FRMD4A: variants seen among roughly 807,000 people sequenced by gnomAD.
The protein encoded by FRMD4A is FERM domain containing 4A.
A neutral mutation model predicts 129.1 loss-of-function variants in FRMD4A; 29 were observed. The observed-to-expected ratio is 0.22, with a 90% CI of 0.17 to 0.31. The LOEUF is 0.31. FRMD4A is among the 10% of genes least tolerant of loss of function. FRMD4A has a pLI of 1.00. For missense variants in FRMD4A, 1,272 were observed against 1,375.8 expected (o/e 0.92, Z 1.19); for synonymous variants, 634 against 571.6 (o/e 1.11, Z -1.56).
chr10:14,305,981 G>C (rs1190306735), intron 2 of FRMD4A, among the ~76,000 whole-genome samples: 2 of 152,136 alleles, frequency 1.3e-5, no homozygotes, highest in African/African-American at 4.8e-5. Flanking sequence ...TGGCGGATGG[G>C]CAGTGGGAGA....
chr10:13,723,613 G>GA (rs1241205233), intron 12 of FRMD4A, among the ~76,000 whole-genome samples: 1 of 152,174 alleles, frequency 6.6e-6, no homozygotes, highest in African/African-American at 2.4e-5. Context: ...ATCACAATTT[G>GA]AAAAATATCT....
At chr10:13,867,615 A>G (rs1371518433) in intron 2 of FRMD4A, among the ~76,000 whole-genome samples, 2 of 18,236 alleles carry the variant, frequency 1.1e-4, no homozygotes, top group Non-Finnish European at 2.4e-4. Flanking sequence ...TATTATTATA[A>G]TGTATATGAT....
chr10:13,660,484 G>T lies in FRMD4A; in HGVS notation c.1730C>A (p.Pro577Gln). The T allele has an allele frequency of 6.2e-7, 1 of 1,614,062 alleles. No homozygotes were observed. Among genetic ancestry groups the T allele is most frequent in the South Asian group, 1.1e-5 (1 of 91,072 alleles). Residue 577 changes from proline (P) to glutamine (Q), a missense_variant, in exon 20 of 25, where the codon CCG becomes CAG. By Grantham distance (76) the Pro-to-Gln change is moderately conservative. This residue lies in a region of FRMD4A where 972 missense variants were observed against 892.3 expected (regional missense o/e 1.09). Coordinates refer to ENST00000357447, the MANE Select transcript of FRMD4A (RefSeq NM_018027.5). ...GGGAGGAGGAGGCCTGTTGTGCGAC[G>T]GTGGCCGAGGAGGGAGTCCCTTGTG... Reference protein sequence around the residue: ...SPHKGLPPRPPSHNRPPPPQS... With the variant: ...SPHKGLPPRPQSHNRPPPPQS...
intron 4 of FRMD4A, among the ~76,000 whole-genome samples, chr10:13,801,954 T>C (rs2093264077): frequency 6.7e-6 from 1 of 149,348 alleles, no homozygotes. Flanking sequence ...ATGATTCTCA[T>C]TGATTTTTCA....
At chr10:13,824,855 A>G (rs929506937) in intron 3 of FRMD4A, among the ~76,000 whole-genome samples, 6 of 146,094 alleles carry the variant, frequency 4.1e-5, no homozygotes, top group African/African-American at 1.5e-4. Context: ...AGATTGTGCC[A>G]TTGCACTCCA....
Position 14,330,603 on chromosome 10 carries a change from C to T in FRMD4A, c.-88G>A. On this transcript the variant is annotated 5_prime_UTR_variant, in exon 1 of 25. Transcript: ENST00000357447. Reference sequence around the variant, plus strand: ...GCTGAATGTCACAACATACCGCTCGCAATCTGGTCAGTGTCTTCTTTGCTG... The same window carrying T: ...GCTGAATGTCACAACATACCGCTCGTAATCTGGTCAGTGTCTTCTTTGCTG... 3 of 400,634 alleles carry T rather than the reference C, an allele frequency of 7.5e-6. No homozygotes were observed. In the East Asian group the frequency reaches 1.1e-4, roughly 14 times the overall value. The allele number at this position is 400,634 out of a possible 1,614,324, so 24.8% of individuals were successfully genotyped here.
rs112838568 is a variant in FRMD4A at position 13,812,922 on chromosome 10, C to T, written c.112-2014G>A. On this transcript the variant is annotated intron_variant, in intron 3 of 24. Transcript: ENST00000357447. ...AGACCCTCCCTCACTCCTGGTGGAA[C>T]GTCTACTCTGCGAGAATGCAGTGGA... Among the ~76,000 whole-genome samples the T allele has an allele frequency of 3.9e-3, 589 of 152,348 alleles. 3 individuals carry two copies. The highest frequency in any genetic ancestry group is 0.013 in the African/African-American group (550 of 41,584).
At chr10:13,910,926 A>T (rs982504740) in intron 2 of FRMD4A, among the ~76,000 whole-genome samples, 6 of 130,976 alleles carry the variant, frequency 4.6e-5, no homozygotes, top group Non-Finnish European at 6.6e-5. Flanking sequence ...AAAAAAAAAA[A>T]GTCTAGTGGT....
At chr10:13,678,240 T>C (rs1460485769) in intron 15 of FRMD4A, among the ~76,000 whole-genome samples, 10 of 152,096 alleles carry the variant, frequency 6.6e-5, no homozygotes, top group Non-Finnish European at 1.3e-4. Flanking sequence ...CCTCTCTGTA[T>C]CCGCTAATGC....
In FRMD4A at chr10:13,656,902, A is replaced by C. The variant is rs2082202264; in HGVS notation, c.2687T>G (p.Leu896Arg). The C allele has an allele frequency of 6.7e-7, 1 of 1,484,538 alleles. No homozygotes were observed. The highest frequency in any genetic ancestry group is 1.7e-4 in the Middle Eastern group (1 of 5,720). The allele number at this position is 1,484,538 out of a possible 1,614,324, so 92.0% of individuals were successfully genotyped here. A position where few individuals can be genotyped will look rare whatever the true frequency, so the allele number is the denominator to read the frequency against. Residue 896 changes from leucine to arginine, a missense_variant, in exon 22 of 25, where the codon CTG (leucine) becomes CGG (arginine). By Grantham distance (102) the Leu-to-Arg change is moderately radical. Transcript: ENST00000357447. The stretch of plus-strand genomic sequence containing the variant: ...CAGGATCTGCGATCGCGACGGCGTC[A>C]GGCGGCCCGTGTCGCCCTCGTCGCC... ...GGGDEGDTGR[L>R]TPSRSQILRT...
At chr10:14,187,808 T>TGCC (rs1842195433) in intron 2 of FRMD4A, among the ~76,000 whole-genome samples, 14 of 152,198 alleles carry the variant, frequency 9.2e-5, no homozygotes, top group Non-Finnish European at 1.3e-4. Flanking sequence ...ACTTGGGAAA[T>TGCC]TTGGTTTTCT....
At position 14,112,124 on chromosome 10, in the gene FRMD4A, C is replaced by T. The variant is rs529439007; in HGVS notation, c.45+217934G>A. Among the ~76,000 whole-genome samples the T allele has an allele frequency of 1.6e-3, 251 of 152,150 alleles. 1 individual carries two copies. The highest frequency in any genetic ancestry group is 2.9e-3 in the African/African-American group (120 of 41,496). ...GAAAATGCACAATTAATTTGAGAAACGGTGAGCAGACTCATTTGTCAGAAG... is the reference window on the plus strand; with the variant it reads ...GAAAATGCACAATTAATTTGAGAAATGGTGAGCAGACTCATTTGTCAGAAG... On this transcript the variant is annotated intron_variant, in intron 2 of 24. Transcript: ENST00000357447.
intron 3 of FRMD4A, among the ~76,000 whole-genome samples, chr10:13,854,051 A>C (rs1395809808): frequency 1.3e-5 from 2 of 152,070 alleles, no homozygotes; most frequent in Non-Finnish European, 2.9e-5. Flanking sequence ...CACCTCAGCC[A>C]TTCCATTCTA....
intron 12 of FRMD4A, among the ~76,000 whole-genome samples, chr10:13,722,039 C>A (rs1048059737): frequency 6.6e-6 from 1 of 152,146 alleles, no homozygotes; most frequent in South Asian, 2.1e-4. Context: ...ACACCCATGA[C>A]AAGGCTGTGC....
At chr10:13,848,637 T>TGTGC (rs1417872563) in intron 3 of FRMD4A, among the ~76,000 whole-genome samples, 1 of 145,050 alleles carries the variant, frequency 6.9e-6, no homozygotes, top group East Asian at 2.0e-4. Context: ...TGTGTGTGTG[T>TGTGC]GTAAACGCGG....
chr10:14,077,232 A>T (rs1835667505), intron 2 of FRMD4A, among the ~76,000 whole-genome samples: 1 of 152,214 alleles, frequency 6.6e-6, no homozygotes, highest in Non-Finnish European at 1.5e-5. Context: ...AATATGCATT[A>T]TAAGAATTAT....
chr10:14,228,695 T>C (rs1843532692), intron 2 of FRMD4A, among the ~76,000 whole-genome samples: 1 of 152,050 alleles, frequency 6.6e-6, no homozygotes, highest in South Asian at 2.1e-4. Context: ...TTCACGCATC[T>C]GGAGTAATTG....
chr10:14,306,003 C>G (rs1238756762), intron 2 of FRMD4A, among the ~76,000 whole-genome samples: 1 of 152,074 alleles, frequency 6.6e-6, no homozygotes, highest in African/African-American at 2.4e-5. Flanking sequence ...GGGAGAGCAT[C>G]AGGAAGAATA....
At chr10:14,118,568 G>A (rs1422543199) in intron 2 of FRMD4A, among the ~76,000 whole-genome samples, 1 of 152,156 alleles carries the variant, frequency 6.6e-6, no homozygotes, top group Non-Finnish European at 1.5e-5. Flanking sequence ...CTGAGGCTGG[G>A]TAATTTATGA....
Sources: allele counts gnomAD v4.1 joint callset (sites outside exome capture counted in the v4.1 genomes callset), GRCh38; gene constraint gnomAD v4.1.1; regional missense constraint gnomAD v4.1.1; transcripts MANE v1.5; gene names NCBI Gene and HGNC (gene_info 2026-07-23, HGNC 2026-07-21).